FOXN2: variants seen among roughly 807,000 people sequenced by gnomAD.
FOXN2 encodes forkhead box protein N2.
FOXN2 carries 19 observed loss-of-function variants against 41.2 expected under a neutral mutation model. That is an observed-to-expected ratio of 0.46 (90% confidence interval 0.32 to 0.68). FOXN2 has a LOEUF of 0.68. Ranked by LOEUF, FOXN2 falls within the 30% of genes least tolerant of loss-of-function variation. The probability of loss-of-function intolerance (pLI) is 0.03; values close to 1 mark genes in which losing one functional copy is unlikely to be tolerated. For synonymous variants in FOXN2, 195 were observed against 176.8 expected (o/e 1.10, Z -0.82); for missense variants, 587 against 509.4 (o/e 1.15, Z -1.47).
At chr2:48,371,497 T>C (rs1572781257) in intron 5 of FOXN2, among the ~76,000 whole-genome samples, 2 of 152,158 alleles carry the variant, frequency 1.3e-5, no homozygotes, top group East Asian at 3.8e-4. Context: ...TACCTTGCTT[T>C]TTTGGTTACT....
chr2:48,375,273 T>C lies in FOXN2; in HGVS notation c.1126T>C (p.Ser376Pro). 1 of 1,613,952 alleles carries C rather than the reference T, an allele frequency of 6.2e-7. No individual in the cohort carries two copies. The highest frequency in any genetic ancestry group is 2.2e-5 in the East Asian group (1 of 44,858). Residue 376 changes from serine (S) to proline (P), a missense_variant, in exon 7 of 7, where the codon TCT becomes CCT. By Grantham distance (74) the Ser-to-Pro change is moderately conservative (BLOSUM62 -1). Transcript: ENST00000340553. The stretch of plus-strand genomic sequence containing the variant: ...TGCATCACAGCCTTGTGCAAAAATC[T>C]CTGAAAAAGGGCAGTCAGGCAAAAA... ...GYASQPCAKISEKGQSGKKMR... is the reference protein window; with the variant it reads ...GYASQPCAKIPEKGQSGKKMR...
At chr2:48,336,435 ATG>A (rs748406091) in intron 2 of FOXN2, among the ~76,000 whole-genome samples, 250 of 146,058 alleles carry the variant, frequency 1.7e-3, no homozygotes, top group South Asian at 0.015. Context: ...ATATATGTAT[ATG>A]TGTGTGTGTG....
intron 2 of FOXN2, among the ~76,000 whole-genome samples, chr2:48,329,202 C>T (rs1449281584): frequency 6.6e-6 from 1 of 152,026 alleles, no homozygotes; most frequent in Non-Finnish European, 1.5e-5. Context: ...ACAAATGCTG[C>T]AACATTGTGT....
chr2:48,362,612 A>C, intron 4 of FOXN2, 31 bp from the exon 5 acceptor site: 1 of 1,587,500 alleles, frequency 6.3e-7, no homozygotes, highest in Non-Finnish European at 8.6e-7. Context: ...ACATTTTTAT[A>C]AGCATATTTG....
chr2:48,359,438 C>T (rs908551972), intron 4 of FOXN2, among the ~76,000 whole-genome samples: 11 of 151,934 alleles, frequency 7.2e-5, no homozygotes, highest in Non-Finnish European at 2.9e-5. Context: ...GGACTACAGG[C>T]AAGCACCACC....
At chr2:48,321,892 T>C (rs149471208) in intron 1 of FOXN2, among the ~76,000 whole-genome samples, 278 of 152,298 alleles carry the variant, frequency 1.8e-3, no homozygotes, top group African/African-American at 6.5e-3. Context: ...GAACTACAGG[T>C]CTAGTGGCTG....
At chr2:48,362,783 T>TG (rs1672279824) in intron 5 of FOXN2, 76 bp downstream of exon 5, 3 of 1,211,734 alleles carry the variant, frequency 2.5e-6, no homozygotes, top group East Asian at 4.7e-5. Flanking sequence ...ATAACAATGG[T>TG]GGTCCCCTAA....
intron 5 of FOXN2, among the ~76,000 whole-genome samples, chr2:48,369,478 C>T (rs1291085367): frequency 6.6e-6 from 1 of 152,042 alleles, no homozygotes; most frequent in Non-Finnish European, 1.5e-5. Flanking sequence ...GCAGAGGTGG[C>T]AGTAAGCTGA....
chr2:48,314,452 C>T (rs1003421908), upstream of FOXN2, among the ~76,000 whole-genome samples: 5 of 152,386 alleles, frequency 3.3e-5, no homozygotes, highest in Middle Eastern at 6.8e-3. Flanking sequence ...TTCACCCCCA[C>T]CCCAGCCGCC....
intron 2 of FOXN2, among the ~76,000 whole-genome samples, chr2:48,341,297 T>C (rs998824044): frequency 1.3e-5 from 2 of 152,114 alleles, no homozygotes; most frequent in Non-Finnish European, 2.9e-5. Flanking sequence ...GACTATAATT[T>C]TTAAAATAAA....
Position 48,377,942 on chromosome 2 carries a change from C to G in FOXN2, c.*2499C>G, listed in dbSNP as rs1308900879. 61 of 152,062 alleles carry G rather than the reference C, an allele frequency of 4.0e-4. No individual in the cohort carries two copies. Among genetic ancestry groups the G allele is most frequent in the Admixed American group, 3.9e-3 (59 of 15,268 alleles). 9.4% of individuals were successfully genotyped at this position (152,062 alleles called of 1,614,324 possible). ...TCCTATGGCCTGGAAATTGTATTCC[C>G]TATAATATACAAATTTTCCTGTAAT... is the stretch of plus-strand genomic sequence containing the variant. On this transcript the variant is annotated 3_prime_UTR_variant, in exon 7 of 7. Coordinates refer to ENST00000340553, the MANE Select transcript of FOXN2 (RefSeq NM_002158.4).
At chr2:48,338,892 C>T (rs10153773) in intron 2 of FOXN2, among the ~76,000 whole-genome samples, 101,444 of 151,948 alleles carry the variant, frequency 0.67, 34,245 homozygotes, top group African/African-American at 0.76. Context: ...AAATTTCTTA[C>T]TAAAAGCAAC....
intron 2 of FOXN2, among the ~76,000 whole-genome samples, chr2:48,345,467 C>A (rs1284938437): frequency 6.6e-6 from 1 of 151,958 alleles, no homozygotes; most frequent in Non-Finnish European, 1.5e-5. Flanking sequence ...ATGTATATTT[C>A]AAAATTCCTA....
chr2:48,350,996 C>T (rs943711383), intron 3 of FOXN2, among the ~76,000 whole-genome samples: 2 of 152,116 alleles, frequency 1.3e-5, no homozygotes, highest in Admixed American at 1.3e-4. Context: ...GATAGGGTCT[C>T]ACTTTGTCAT....
intron 2 of FOXN2, among the ~76,000 whole-genome samples, chr2:48,333,992 A>G (rs751923736): frequency 2.6e-5 from 4 of 152,182 alleles, no homozygotes; most frequent in Non-Finnish European, 5.9e-5. Flanking sequence ...GCAGACCTGA[A>G]TAATCAGGTA....
At position 48,377,693 on chromosome 2, in the gene FOXN2, C is replaced by G. The variant is rs907896213; in HGVS notation, c.*2250C>G. The G allele has an allele frequency of 6.6e-6, 1 of 152,040 alleles. No homozygotes were observed. The highest frequency in any genetic ancestry group is 1.5e-5 in the Non-Finnish European group (1 of 67,906). The allele number at this position is 152,040 out of a possible 1,614,324, so 9.4% of individuals were successfully genotyped here. On this transcript the variant is annotated 3_prime_UTR_variant, in exon 7 of 7. Coordinates refer to ENST00000340553, the MANE Select transcript of FOXN2 (RefSeq NM_002158.4). ...AGCAAGGATGATAAACACTTGTGCACTGAAAGCTAACAGGGAGAGGTTACA... is the reference window on the plus strand; with the variant it reads ...AGCAAGGATGATAAACACTTGTGCAGTGAAAGCTAACAGGGAGAGGTTACA...
At position 48,369,826 on chromosome 2, in the gene FOXN2, T is replaced by A. The variant is rs146393309; in HGVS notation, c.704-3466T>A. Among the ~76,000 whole-genome samples, 110 of 151,704 alleles carry A rather than the reference T, an allele frequency of 7.3e-4. 1 individual carries two copies. Among genetic ancestry groups the A allele is most frequent in the Non-Finnish European group, 1.3e-3 (87 of 67,888 alleles). On this transcript the variant is annotated intron_variant, in intron 5 of 6. Coordinates refer to ENST00000340553, the MANE Select transcript of FOXN2 (RefSeq NM_002158.4). ...GCTCAGGCAACACGGTAAAACCATATCTCTACAAAAAATAAAAATAAAAAT... is the reference window on the plus strand; with the variant it reads ...GCTCAGGCAACACGGTAAAACCATAACTCTACAAAAAATAAAAATAAAAAT...
intron 5 of FOXN2, among the ~76,000 whole-genome samples, chr2:48,368,681 G>C (rs540113459): frequency 6.6e-6 from 1 of 152,316 alleles, no homozygotes; most frequent in South Asian, 2.1e-4. Flanking sequence ...AACGGAGTGA[G>C]ACCCTGTTGA....
At chr2:48,359,194 C>A in intron 4 of FOXN2, 47 bp downstream of exon 4, 1 of 1,357,528 alleles carries the variant, frequency 7.4e-7, no homozygotes, top group Non-Finnish European at 1.1e-6. Flanking sequence ...TAGGATTTCA[C>A]TGTGTGAGAT....
Sources: allele counts gnomAD v4.1 joint callset (sites outside exome capture counted in the v4.1 genomes callset), GRCh38; gene constraint gnomAD v4.1.1; transcripts MANE v1.5; gene names NCBI Gene and HGNC (gene_info 2026-07-23, HGNC 2026-07-21).